DGKB: variants seen among roughly 807,000 people sequenced by gnomAD.
DGKB encodes the protein 90 kDa diacylglycerol kinase.
Under a neutral mutation model 114.3 loss-of-function variants are expected in DGKB, and 67 were observed. The ratio of observed to expected loss-of-function variants is 0.59; its 90% CI spans 0.48 to 0.72. DGKB has a LOEUF of 0.72. Among genes scored for constraint, DGKB ranks in the 30% least tolerant of loss-of-function variants. The pLI, the probability that DGKB is intolerant of heterozygous loss-of-function variation, is 0.00. For missense variants in DGKB, 907 were observed against 975.2 expected, an observed-to-expected ratio of 0.93 and a Z score of 0.93; for synonymous variants, 398 against 323.1, an observed-to-expected ratio of 1.23 and a Z score of -2.49.
rs116211416 is a variant in DGKB at position 14,168,452 on chromosome 7, G to A, written c.2304+8387C>T. 7.2e-3 allele frequency among the ~76,000 whole-genome samples: 1,097 copies of A among 152,268 alleles called. 11 individuals are homozygous for A. The highest frequency in any genetic ancestry group is 0.025 in the African/African-American group (1,058 of 41,558). The stretch of plus-strand genomic sequence containing the variant: ...TGGCAAAACATACAGCTACAGATTC[G>A]TGAAGCTCAGTGAAACTAAAACAAG... On this transcript the variant is annotated intron_variant, in intron 25 of 25. Coordinates refer to ENST00000402815, the MANE Select transcript of DGKB (RefSeq NM_001350709.2).
intron 20 of DGKB, among the ~76,000 whole-genome samples, chr7:14,523,668 TAATAC>T (rs1345638534): frequency 6.6e-6 from 1 of 152,120 alleles, no homozygotes; most frequent in Non-Finnish European, 1.5e-5. Flanking sequence ...CAAACGTATA[TAATAC>T]AATGTATTCT....
intron 1 of DGKB, among the ~76,000 whole-genome samples, chr7:14,900,869 T>C (rs1296897614): frequency 1.3e-5 from 2 of 152,200 alleles, no homozygotes; most frequent in Non-Finnish European, 2.9e-5. Context: ...CCTCTTTAGC[T>C]ACATAAAGAT....
At chr7:14,343,374 T>C (rs1261225363) in intron 22 of DGKB, among the ~76,000 whole-genome samples, 1 of 151,868 alleles carries the variant, frequency 6.6e-6, no homozygotes, top group Admixed American at 6.6e-5. Context: ...CCCAGATTTC[T>C]TGGAGAACAT....
chr7:14,626,981 A>T (rs1031639174), intron 14 of DGKB, among the ~76,000 whole-genome samples: 1 of 152,302 alleles, frequency 6.6e-6, no homozygotes, highest in South Asian at 2.1e-4. Context: ...GTTACCACTT[A>T]TTTTAACTAT....
chr7:14,678,358 A>G (rs945907414), intron 12 of DGKB, among the ~76,000 whole-genome samples: 1 of 152,064 alleles, frequency 6.6e-6, no homozygotes, highest in Admixed American at 6.6e-5. Context: ...ATCAAGATAT[A>G]TTAGCGTCAA....
chr7:14,293,696 G>T (rs1802106401), intron 23 of DGKB, among the ~76,000 whole-genome samples: 1 of 151,962 alleles, frequency 6.6e-6, no homozygotes, highest in Non-Finnish European at 1.5e-5. Flanking sequence ...TCTTTTTCTA[G>T]GTGATATCCT....
intron 19 of DGKB, among the ~76,000 whole-genome samples, chr7:14,578,199 C>T (rs186512856): frequency 1.2e-4 from 18 of 152,260 alleles, no homozygotes. Flanking sequence ...TTCTCCTTCA[C>T]CTTCACGATT....
chr7:14,650,942 A>G (rs962419668), intron 13 of DGKB, among the ~76,000 whole-genome samples: 8 of 152,156 alleles, frequency 5.3e-5, no homozygotes, highest in Non-Finnish European at 2.9e-5. Context: ...CCAAGACTAA[A>G]CCAGGAAGAA....
At chr7:14,742,894 T>C (rs1199888479) in intron 4 of DGKB, among the ~76,000 whole-genome samples, 1 of 152,176 alleles carries the variant, frequency 6.6e-6, no homozygotes, top group Non-Finnish European at 1.5e-5. Context: ...AGGATTGTTT[T>C]AAATTAGATA....
chr7:14,596,748 C>T (rs1240247713), intron 17 of DGKB, among the ~76,000 whole-genome samples: 1 of 152,030 alleles, frequency 6.6e-6, no homozygotes, highest in East Asian at 1.9e-4. Flanking sequence ...TATAGATGCC[C>T]AATTTTTCTG....
At chr7:14,420,006 A>C (rs1826412523) in intron 21 of DGKB, among the ~76,000 whole-genome samples, 1 of 152,030 alleles carries the variant, frequency 6.6e-6, no homozygotes, top group South Asian at 2.1e-4. Context: ...TATTGGACAG[A>C]TATGTGTGAG....
intron 1 of DGKB, among the ~76,000 whole-genome samples, chr7:14,841,920 TA>T (rs1207417433): frequency 6.6e-6 from 1 of 152,200 alleles, no homozygotes; most frequent in Non-Finnish European, 1.5e-5. Context: ...TTTTATGATT[TA>T]AAAAAATTCA....
intron 20 of DGKB, among the ~76,000 whole-genome samples, chr7:14,548,366 A>AAT (rs1201097972): frequency 6.6e-6 from 1 of 152,204 alleles, no homozygotes; most frequent in African/African-American, 2.4e-5. Flanking sequence ...TGCAACAGTT[A>AAT]ATACGGAGTG....
intron 23 of DGKB, chr7:14,209,567 G>A: frequency 2.0e-6 from 1 of 488,352 alleles, no homozygotes; most frequent in South Asian, 1.5e-5. Flanking sequence ...TTTAAAATGG[G>A]GGCTCCAGAG....
At chr7:14,264,923 T>A (rs1244100025) in intron 23 of DGKB, among the ~76,000 whole-genome samples, 1 of 152,142 alleles carries the variant, frequency 6.6e-6, no homozygotes, top group Non-Finnish European at 1.5e-5. Flanking sequence ...CAGTAATAAA[T>A]AACTGAAACA....
rs376521840 is a variant in DGKB, at chr7:14,378,368, T to C, written c.1836-32977A>G. Among the ~76,000 whole-genome samples, 22 of 152,312 alleles carry C rather than the reference T, an allele frequency of 1.4e-4. No homozygotes were observed. The East Asian group carries it at 4.1e-3, about 28-fold the overall frequency. On this transcript the variant is annotated intron_variant, in intron 21 of 25. Coordinates refer to ENST00000402815, the MANE Select transcript of DGKB (RefSeq NM_001350709.2). Reference sequence around the variant, plus strand: ...AATATTAATTTCTTGGTTTTGAATATTCATTTTTAGTTTGAAAAGTGTATC... The same window carrying C: ...AATATTAATTTCTTGGTTTTGAATACTCATTTTTAGTTTGAAAAGTGTATC...
In DGKB at chr7:14,750,864, C is replaced by T. The variant is rs185761711; in HGVS notation, c.168+3064G>A. ...TGTTGCCCAGGCTGGAGTGCAATGGCGCGATCTCGGTTCACTGCAACCTCC... is the reference window on the plus strand; with the variant it reads ...TGTTGCCCAGGCTGGAGTGCAATGGTGCGATCTCGGTTCACTGCAACCTCC... On this transcript the variant is annotated intron_variant, in intron 4 of 25. Transcript: ENST00000402815. 2.4e-3 allele frequency among the ~76,000 whole-genome samples: 307 copies of T among 127,876 alleles called. 1 individual carries two copies. Among genetic ancestry groups the T allele is most frequent in the Middle Eastern group, 0.011 (2 of 184 alleles). The allele number at this position is 127,876 out of a possible 152,430, so 83.9% of individuals were successfully genotyped here.
chr7:14,553,864 GCTTT>G (rs1795468951), intron 20 of DGKB, among the ~76,000 whole-genome samples: 1 of 83,162 alleles, frequency 1.2e-5, no homozygotes, highest in Non-Finnish European at 2.6e-5. Flanking sequence ...TCCTTTACAT[GCTTT>G]TTTTTTTTTT....
At chr7:14,391,916 A>G (rs559753727) in intron 21 of DGKB, among the ~76,000 whole-genome samples, 1 of 152,314 alleles carries the variant, frequency 6.6e-6, no homozygotes, top group African/African-American at 2.4e-5. Flanking sequence ...TAGAAATGAT[A>G]GAATTTATTT....
Sources: gnomAD v4.1 joint callset for allele counts (sites outside exome capture counted in the v4.1 genomes callset) on GRCh38, gnomAD v4.1.1 for gene constraint, MANE v1.5 for transcripts, NCBI Gene and HGNC (gene_info 2026-07-23, HGNC 2026-07-21) for gene names.